Variants in NFIC observed in about 807,000 individuals in gnomAD.
NFIC encodes nuclear factor I C.
Under a neutral mutation model 54.4 loss-of-function variants are expected in NFIC, and 12 were observed. The observed-to-expected ratio is 0.22, with a 90% CI of 0.14 to 0.36. The LOEUF (loss-of-function observed/expected upper bound fraction) is 0.36, where lower values mean the gene tolerates loss of function less well. NFIC is among the 10% of genes least tolerant of loss of function. NFIC has a pLI of 1.00. For synonymous variants in NFIC, 322 were observed against 319.2 expected, an observed-to-expected ratio of 1.01 and a Z score of -0.09; for missense variants, 575 against 718.2, an observed-to-expected ratio of 0.80 and a Z score of 2.28.
At chr19:3,447,155 C>T (rs1305117089) in intron 6 of NFIC, among the ~76,000 whole-genome samples, 3 of 151,876 alleles carry the variant, frequency 2.0e-5, no homozygotes, top group Non-Finnish European at 2.9e-5. Flanking sequence ...AAAAATGACC[C>T]GGGCGTGGTG....
At chr19:3,441,345 T>G (rs1299270787) in intron 6 of NFIC, among the ~76,000 whole-genome samples, 1 of 152,234 alleles carries the variant, frequency 6.6e-6, no homozygotes, top group Non-Finnish European at 1.5e-5. Flanking sequence ...ATCTGTGATG[T>G]CCTAAGCCGG....
intron 3 of NFIC, among the ~76,000 whole-genome samples, chr19:3,425,695 G>T (rs1298770264): frequency 6.6e-6 from 1 of 151,434 alleles, no homozygotes; most frequent in Admixed American, 6.6e-5. Context: ...CCTGACCTCA[G>T]GTGATCCGCC....
At chr19:3,378,242 CAA>C (rs1441662070) in intron 1 of NFIC, among the ~76,000 whole-genome samples, 4 of 125,666 alleles carry the variant, frequency 3.2e-5, no homozygotes, top group Non-Finnish European at 4.8e-5. Flanking sequence ...GCCTGGGTGA[CAA>C]GAGTGAAACT....
At chr19:3,362,260 G>A (rs1255101743), upstream of NFIC, among the ~76,000 whole-genome samples, 2 of 152,014 alleles carry the variant, frequency 1.3e-5, no homozygotes, top group Non-Finnish European at 1.5e-5. Flanking sequence ...TGTGTGGAGT[G>A]TGTCTGTGAT....
chr19:3,445,070 C>T (rs2145662942), intron 6 of NFIC, among the ~76,000 whole-genome samples: 1 of 152,346 alleles, frequency 6.6e-6, no homozygotes, highest in Admixed American at 6.5e-5. Flanking sequence ...CATACATATG[C>T]AGGCGTGCAC....
intron 1 of NFIC, among the ~76,000 whole-genome samples, chr19:3,371,241 G>T (rs574682980): frequency 3.3e-5 from 5 of 151,708 alleles, no homozygotes; most frequent in Non-Finnish European, 2.9e-5. Flanking sequence ...CCCCACCCCC[G>T]GACCGTTTCT....
intron 2 of NFIC, among the ~76,000 whole-genome samples, chr19:3,383,642 C>T (rs1455575158): frequency 6.6e-6 from 1 of 152,144 alleles, no homozygotes; most frequent in Non-Finnish European, 1.5e-5. Flanking sequence ...CACAGCACAC[C>T]CCTGCCATGC....
In NFIC at chr19:3,372,713, G is replaced by GGT. The variant is rs1192592367; in HGVS notation, c.30+6048_30+6049insTG. 1.7e-3 allele frequency among the ~76,000 whole-genome samples: 227 copies of GGT among 130,242 alleles called. 6 individuals carry two copies. Among genetic ancestry groups the GGT allele is most frequent in the Non-Finnish European group, 2.8e-3 (169 of 60,382 alleles). 85.4% of individuals were successfully genotyped at this position (130,242 alleles called of 152,430 possible). A position where few individuals can be genotyped will look rare whatever the true frequency, so the allele number is the denominator to read the frequency against. ...TGCTCAAGGGGCCCAGGAGTGGGGT[G>GGT]GGGGGGTGCCAGGAGGCCCAGGGAC... On this transcript the variant is annotated intron_variant, in intron 1 of 10. Coordinates refer to ENST00000443272, the MANE Select transcript of NFIC (RefSeq NM_001245002.2).
intron 2 of NFIC, among the ~76,000 whole-genome samples, chr19:3,394,839 G>A (rs1273581279): frequency 6.6e-6 from 1 of 151,902 alleles, no homozygotes; most frequent in Non-Finnish European, 1.5e-5. Context: ...TCCAGGTTGC[G>A]TGCTCCTTAG....
upstream of NFIC, among the ~76,000 whole-genome samples, chr19:3,366,153 TCCCCCC>T (rs1555737326): frequency 2.0e-5 from 3 of 150,416 alleles, no homozygotes; most frequent in South Asian, 2.1e-4. Context: ...AACAACCCTG[TCCCCCC>T]TCTCCGCTTG....
chr19:3,394,514 T>TCCCCCCC (rs199958298), intron 2 of NFIC, among the ~76,000 whole-genome samples: 50 of 25,242 alleles, frequency 2.0e-3, no homozygotes, highest in African/African-American at 4.0e-3. Flanking sequence ...TATGATCTTT[T>TCCCCCCC]CCCCACCCAC....
Position 3,464,657 on chromosome 19 carries a change from GC to G in NFIC, c.*1893del. 1.0e-6 allele frequency: 1 copy of G among 981,338 alleles called. No homozygotes were observed. Among genetic ancestry groups the G allele is most frequent in the Non-Finnish European group, 1.2e-6 (1 of 829,032 alleles). The allele number at this position is 981,338 out of a possible 1,614,324, so 60.8% of individuals were successfully genotyped here. On this transcript the variant is annotated 3_prime_UTR_variant, in exon 11 of 11. Coordinates refer to ENST00000443272, the MANE Select transcript of NFIC (RefSeq NM_001245002.2). ...CACCTGCTCCTAGCCTCACCCCCCT[GC>G]CCCCGAAAACCAGACTCTCCTCCCA...
rs775145178 is a variant in NFIC, at chr19:3,449,043, A to T, written c.988A>T (p.Met330Leu). Residue 330 changes from methionine (M) to leucine (L), a missense_variant, in exon 7 of 11, where the codon ATG (methionine) becomes TTG (leucine). Around this residue, in one of 3 missense-constraint regions of NFIC, gnomAD observed 447 missense variants for 526.9 expected, o/e 0.85. Transcript: ENST00000443272. ...CTCGTCCCCGGTGAAGAAGACAGAG[A>T]TGGACAAGTCACCATTCAACAGCCC... The part of the protein sequence containing the change: ...GISSPVKKTE[M>L]DKSPFNSPSP... 3.7e-6 allele frequency: 6 copies of T among 1,613,208 alleles called. No individual in the cohort carries two copies. The African/African-American group carries it at 5.3e-5, about 14-fold the overall frequency.
In NFIC at chr19:3,465,490, A is replaced by G. The variant is rs2082707354; in HGVS notation, c.*2721A>G. 1 of 151,214 alleles carries G rather than the reference A, an allele frequency of 6.6e-6. No homozygotes were observed. Among genetic ancestry groups the G allele is most frequent in the African/African-American group, 2.4e-5 (1 of 41,062 alleles). 9.4% of individuals were successfully genotyped at this position (151,214 alleles called of 1,614,324 possible). A position where few individuals can be genotyped will look rare whatever the true frequency, so the allele number is the denominator to read the frequency against. ...CCACGCTAAAAATCAAGCCACTGAA[A>G]ACAATTGCCCCCAGGTCTACCCAGC... On this transcript the variant is annotated 3_prime_UTR_variant, in exon 11 of 11. Coordinates refer to ENST00000443272, the MANE Select transcript of NFIC (RefSeq NM_001245002.2).
At chr19:3,420,987 T>C (rs756233841) in intron 2 of NFIC, among the ~76,000 whole-genome samples, 52 of 152,308 alleles carry the variant, frequency 3.4e-4, no homozygotes, top group South Asian at 8.3e-4. Flanking sequence ...CCTCCCATAG[T>C]GCTGGGAATA....
chr19:3,383,395 T>A (rs4807454), intron 2 of NFIC, among the ~76,000 whole-genome samples: 1 of 151,926 alleles, frequency 6.6e-6, no homozygotes, highest in Non-Finnish European at 1.5e-5. Context: ...GCCCCAGGGG[T>A]CCTGGCAGGA....
At chr19:3,442,438 T>TGGCATGATCTCGGCTCACTGCAGC in intron 6 of NFIC, among the ~76,000 whole-genome samples, 1 of 146,032 alleles carries the variant, frequency 6.8e-6, no homozygotes, top group South Asian at 2.2e-4. Context: ...TGGAGTGCAG[T>TGGCATGATCTCGGCTCACTGCAGC]GGCATGATCT....
chr19:3,380,184 TC>T (rs1341120072), intron 1 of NFIC, among the ~76,000 whole-genome samples: 4 of 150,202 alleles, frequency 2.7e-5, no homozygotes, highest in East Asian at 3.9e-4. Context: ...TGTTTTTTTT[TC>T]AGTAGAGACG....
At chr19:3,372,709 GGGT>G in intron 1 of NFIC, among the ~76,000 whole-genome samples, 1 of 149,230 alleles carries the variant, frequency 6.7e-6, no homozygotes, top group East Asian at 2.2e-4. Context: ...CCCAGGAGTG[GGGT>G]GGGGGGGTGC....
Sources: allele counts gnomAD v4.1 joint callset (sites outside exome capture counted in the v4.1 genomes callset), GRCh38; gene constraint gnomAD v4.1.1; regional missense constraint gnomAD v4.1.1; transcripts MANE v1.5; gene names NCBI Gene and HGNC (gene_info 2026-07-23, HGNC 2026-07-21).